The following LAMP2 variants were observed in gnomAD, a reference collection of about 807,000 sequenced individuals.
LAMP2 encodes the protein lysosome associated membrane protein 2.
LAMP2 carries 4 observed loss-of-function variants against 25.6 expected under a neutral mutation model. The observed-to-expected ratio is 0.16, with a 90% CI of 0.08 to 0.36. LAMP2 has a LOEUF of 0.36. LAMP2 is among the 10% of genes least tolerant of loss of function. LAMP2 has a pLI of 1.00. For synonymous variants in LAMP2, 108 were observed against 112.7 expected (o/e 0.96, Z 0.27); for missense variants, 272 against 301.4 (o/e 0.90, Z 0.72).
Position 120,429,600 on chromosome X carries a change from T to C in LAMP2, c.*1723A>G. 1 of 749,364 alleles carries C rather than the reference T, an allele frequency of 1.3e-6. No homozygotes were observed. Among genetic ancestry groups the C allele is most frequent in the Non-Finnish European group, 1.6e-6 (1 of 635,718 alleles). 61.8% of individuals were successfully genotyped at this position (749,364 alleles called of 1,213,427 possible). The stretch of plus-strand genomic sequence containing the variant: ...TAGAAGTGTTTTGGTATATTACTAC[T>C]GAAAAAGCCCATATTAGTATTAAAA... On this transcript the variant is annotated 3_prime_UTR_variant, in exon 9 of 9. Coordinates refer to ENST00000200639, the MANE Select transcript of LAMP2 (RefSeq NM_002294.3).
chrX:120,438,755 C>G, intron 8 of LAMP2: 12 of 808,969 alleles, frequency 1.5e-5, no homozygotes, highest in Non-Finnish European at 1.8e-5. Context: ...GGAGCAAGTA[C>G]AAATCCACGG....
chrX:120,438,526 T>C, intron 8 of LAMP2: 1 of 747,784 alleles, frequency 1.3e-6, no homozygotes, highest in South Asian at 6.8e-5. Context: ...TTTTGTATCT[T>C]TTGTCATTAC....
Position 120,429,939 on chromosome X carries a change from T to C in LAMP2, c.*1384A>G. Reference sequence around the variant, plus strand: ...CTTCTAATTTTAACTTTTCCTCCTCTTGTACTTTTACCATTCATAAAAATG... The same window carrying C: ...CTTCTAATTTTAACTTTTCCTCCTCCTGTACTTTTACCATTCATAAAAATG... On this transcript the variant is annotated 3_prime_UTR_variant, in exon 9 of 9. Transcript: ENST00000200639. The C allele has an allele frequency of 1.3e-6, 1 of 753,419 alleles. No homozygotes were observed. Among genetic ancestry groups the C allele is most frequent in the Non-Finnish European group, 1.6e-6 (1 of 638,202 alleles). The allele number at this position is 753,419 out of a possible 1,213,427, so 62.1% of individuals were successfully genotyped here.
intron 3 of LAMP2, among the ~76,000 whole-genome samples, chrX:120,449,570 G>A (rs191041105): frequency 2.7e-5 from 3 of 111,334 alleles, no homozygotes; most frequent in South Asian, 3.8e-4. Flanking sequence ...AGCCAAGATC[G>A]CCCACTGCAC....
chrX:120,455,552 C>T lies in LAMP2; in HGVS notation c.202G>A (p.Asp68Asn). The T allele has an allele frequency of 8.3e-7, 1 of 1,204,233 alleles. No individual in the cohort carries two copies. Among genetic ancestry groups the T allele is most frequent in the African/African-American group, 1.8e-5 (1 of 56,771 alleles). ...CCATTATATGTCACAGTGCCATGGT[C>T]TGAAATGGTTACAGTTTTCTAAAAG... The part of the protein sequence containing the change: ...NKTYKTVTIS[D>N]HGTVTYNGSI... The change falls in exon 3 of 9, where the codon GAC becomes AAC. Residue 68 changes from aspartate (D) to asparagine (N), a missense_variant. Asp to Asn is a conservative substitution (Grantham distance 23, BLOSUM62 1). Transcript: ENST00000200639.
intron 3 of LAMP2, among the ~76,000 whole-genome samples, chrX:120,454,579 AC>A (rs968816744): frequency 9.5e-5 from 10 of 105,530 alleles, no homozygotes; most frequent in Admixed American, 4.1e-4. Flanking sequence ...ATAGTGAGAC[AC>A]CCCCCCCAAC....
intron 8 of LAMP2, among the ~76,000 whole-genome samples, chrX:120,432,244 G>A (rs1188318894): frequency 9.0e-6 from 1 of 110,879 alleles, no homozygotes; most frequent in East Asian, 2.8e-4. Flanking sequence ...AATATGGAGA[G>A]TAAAAAGACA....
At chrX:120,438,949 A>C in intron 8 of LAMP2, 2 of 1,020,723 alleles carry the variant, frequency 2.0e-6, no homozygotes, top group South Asian at 2.9e-5. Context: ...TGTAAAAATA[A>C]CAGTTTTAAA....
chrX:120,434,309 A>G (rs747701979), intron 8 of LAMP2, among the ~76,000 whole-genome samples: 1 of 112,414 alleles, frequency 8.9e-6, no homozygotes, highest in East Asian at 2.8e-4. Flanking sequence ...CATGTAAGAC[A>G]AATATTCTCA....
rs1179061425 is a variant in LAMP2 at position 120,442,680 on chromosome X, T to A, written c.865-18A>T. On this transcript the variant is annotated intron_variant, in intron 6 of 8. Coordinates refer to ENST00000200639, the MANE Select transcript of LAMP2 (RefSeq NM_002294.3). ...TCATTTTTCTGTTTGAAAAAGAGCT[T>A]CCAGTTAATTAACATTTCACAACTG... 2.6e-6 allele frequency: 3 copies of A among 1,152,521 alleles called. No homozygotes were observed. In the East Asian group the frequency reaches 8.9e-5, roughly 34 times the overall value. The allele number at this position is 1,152,521 out of a possible 1,213,427, so 95.0% of individuals were successfully genotyped here. A position where few individuals can be genotyped will look rare whatever the true frequency, so the allele number is the denominator to read the frequency against.
intron 3 of LAMP2, among the ~76,000 whole-genome samples, chrX:120,451,767 T>C (rs749214273): frequency 8.9e-6 from 1 of 111,910 alleles, no homozygotes; most frequent in African/African-American, 3.2e-5. Flanking sequence ...CGCCCAGCCA[T>C]AAATTAGTAT....
At chrX:120,443,112 C>T (rs2058581041) in intron 6 of LAMP2, among the ~76,000 whole-genome samples, 2 of 111,719 alleles carry the variant, frequency 1.8e-5, no homozygotes, top group African/African-American at 3.3e-5. Flanking sequence ...CAGGAGCTAC[C>T]AAAATGAACC....
intron 8 of LAMP2, among the ~76,000 whole-genome samples, chrX:120,439,810 T>G (rs775272088): frequency 9.0e-6 from 1 of 110,835 alleles, no homozygotes; most frequent in East Asian, 2.8e-4. Context: ...AGCCCACTTT[T>G]ACATAGCCAG....
chrX:120,457,443 C>G (rs755687889), intron 1 of LAMP2, among the ~76,000 whole-genome samples: 3 of 112,093 alleles, frequency 2.7e-5, no homozygotes, highest in Non-Finnish European at 3.8e-5. Flanking sequence ...ATGAGAAAAA[C>G]ATGAATTCTG....
In LAMP2 at chrX:120,429,285, T is replaced by C. The variant is rs2058513257; in HGVS notation, c.*2038A>G. ...ACCACCAGGAAAGCAACATGTGCAA[T>C]GTAGATTTTGAGTTCTGGATTCAGA... On this transcript the variant is annotated 3_prime_UTR_variant, in exon 9 of 9. Coordinates refer to ENST00000200639, the MANE Select transcript of LAMP2 (RefSeq NM_002294.3). 1.3e-6 allele frequency: 1 copy of C among 742,809 alleles called. No homozygotes were observed. Among genetic ancestry groups the C allele is most frequent in the Non-Finnish European group, 1.6e-6 (1 of 635,772 alleles). 61.2% of individuals were successfully genotyped at this position (742,809 alleles called of 1,213,427 possible). A position where few individuals can be genotyped will look rare whatever the true frequency, so the allele number is the denominator to read the frequency against.
At chrX:120,435,584 A>G (rs1031921503) in intron 8 of LAMP2, among the ~76,000 whole-genome samples, 12 of 112,310 alleles carry the variant, frequency 1.1e-4, no homozygotes, top group Non-Finnish European at 1.9e-4. Flanking sequence ...TTCCTTCTAA[A>G]ATACTAAGAT....
intron 3 of LAMP2, among the ~76,000 whole-genome samples, chrX:120,453,740 G>A (rs147930964): frequency 9.0e-4 from 101 of 112,042 alleles, no homozygotes; most frequent in African/African-American, 3.1e-3. Flanking sequence ...CCTGGGAGGC[G>A]GAGGTTGCAG....
rs2058513447 is a variant in LAMP2 at position 120,429,311 on chromosome X, C to G, written c.*2012G>C. The G allele has an allele frequency of 1.4e-6, 1 of 715,729 alleles. No homozygotes were observed. Among genetic ancestry groups the G allele is most frequent in the Admixed American group, 9.6e-5 (1 of 10,392 alleles). The allele number at this position is 715,729 out of a possible 1,213,427, so 59.0% of individuals were successfully genotyped here. ...GTAGATTTTGAGTTCTGGATTCAGA[C>G]AGAACTGTGTTTAAATCTTGACTCC... On this transcript the variant is annotated 3_prime_UTR_variant, in exon 9 of 9. Transcript: ENST00000200639.
At chrX:120,463,467 A>T (rs1602544287) in intron 1 of LAMP2, among the ~76,000 whole-genome samples, 1 of 112,036 alleles carries the variant, frequency 8.9e-6, no homozygotes, top group African/African-American at 3.2e-5. Flanking sequence ...TTCTTTCACA[A>T]TGCACAGCAG....
Sources: allele counts gnomAD v4.1 joint callset (sites outside exome capture counted in the v4.1 genomes callset), GRCh38; gene constraint gnomAD v4.1.1; transcripts MANE v1.5; gene names NCBI Gene and HGNC (gene_info 2026-07-23, HGNC 2026-07-21).